MOV10L1: variants seen among roughly 807,000 people sequenced by gnomAD.
MOV10L1 encodes Mov10 like RNA helicase 1.
Under a neutral mutation model 143.8 loss-of-function variants are expected in MOV10L1, and 110 were observed. The observed-to-expected ratio is 0.76, with a 90% CI of 0.66 to 0.90. MOV10L1 has a LOEUF of 0.90. Ranked by LOEUF, MOV10L1 falls within the 40% of genes least tolerant of loss-of-function variation. The pLI is 0.00. For missense variants in MOV10L1, 1,406 were observed against 1,526.8 expected, an observed-to-expected ratio of 0.92 and a Z score of 1.32; for synonymous variants, 593 against 581.1, an observed-to-expected ratio of 1.02 and a Z score of -0.29.
Position 50,158,162 on chromosome 22 carries a change from G to A in MOV10L1, c.3172G>A (p.Val1058Met). The A allele has an allele frequency of 6.2e-7, 1 of 1,614,176 alleles. No individual in the cohort carries two copies. The highest frequency in any genetic ancestry group is 1.3e-5 in the African/African-American group (1 of 75,052). Reference protein sequence around the residue: ...CLLAHSISSQVSASDIGVITP... With the variant: ...CLLAHSISSQMSASDIGVITP... The stretch of plus-strand genomic sequence containing the variant: ...CCTGGCCCACAGCATCTCCAGTCAG[G>A]TGTCTGCCAGCGACATTGGCGTCAT... The change falls in exon 23 of 27, where the codon GTG becomes ATG. Residue 1058 changes from valine (V) to methionine (M), a missense_variant. Coordinates refer to ENST00000262794, the MANE Select transcript of MOV10L1 (RefSeq NM_018995.3). The surrounding 1 kb of genome is among the most constrained non-coding windows in gnomAD (Gnocchi z 5.0).
intron 22 of MOV10L1, among the ~76,000 whole-genome samples, chr22:50,154,039 G>C (rs2063363250): frequency 6.6e-6 from 1 of 152,226 alleles, no homozygotes; most frequent in Non-Finnish European, 1.5e-5. Context: ...AAGTTCCTGA[G>C]GGAGAAAATC....
intron 13 of MOV10L1, among the ~76,000 whole-genome samples, chr22:50,129,116 C>A (rs1401544494): frequency 2.0e-5 from 3 of 152,098 alleles, no homozygotes; most frequent in Admixed American, 2.0e-4. Flanking sequence ...TTTGCATACC[C>A]CGTGTTTCTA....
At chr22:50,130,087 C>T (rs1017622399) in intron 13 of MOV10L1, among the ~76,000 whole-genome samples, 2 of 152,028 alleles carry the variant, frequency 1.3e-5, no homozygotes, top group African/African-American at 4.8e-5. Context: ...ACCAGCCTGG[C>T]CAACATGGGG....
intron 19 of MOV10L1, among the ~76,000 whole-genome samples, chr22:50,147,978 G>A (rs772014870): frequency 1.3e-5 from 2 of 152,246 alleles, no homozygotes; most frequent in African/African-American, 2.4e-5. Flanking sequence ...CAGCACTGCT[G>A]TAAGCAGGAG....
At chr22:50,151,040 C>T (rs2063287288) in intron 21 of MOV10L1, 141 bp downstream of exon 21, 1 of 1,023,442 alleles carries the variant, frequency 9.8e-7, no homozygotes, top group African/African-American at 1.6e-5. Flanking sequence ...CATAGCACCT[C>T]CCCCGTCAGC....
intron 5 of MOV10L1, among the ~76,000 whole-genome samples, chr22:50,111,455 C>T: frequency 7.2e-6 from 1 of 138,866 alleles, no homozygotes; most frequent in Non-Finnish European, 1.5e-5. Flanking sequence ...TTCCTTTTGG[C>T]ATGGTGAGTG....
intron 26 of MOV10L1, 72 bp downstream of exon 26, chr22:50,161,127 C>T: frequency 6.9e-7 from 1 of 1,447,102 alleles, no homozygotes; most frequent in African/African-American, 1.4e-5. Context: ...CTCCCCTGCT[C>T]CCCTCACCCC....
At position 50,101,531 on chromosome 22, in the gene MOV10L1, T is replaced by C. The variant is rs182715038; in HGVS notation, c.442+1929T>C. 1.2e-4 allele frequency among the ~76,000 whole-genome samples: 18 copies of C among 151,406 alleles called. No individual in the cohort carries two copies. The East Asian group carries it at 3.5e-3, about 29-fold the overall frequency. On this transcript the variant is annotated intron_variant, in intron 3 of 26. Coordinates refer to ENST00000262794, the MANE Select transcript of MOV10L1 (RefSeq NM_018995.3). ...TTTGTGGGTTTTGTTTTTTTTTTCT[T>C]TGTTTGAGACAGAGTTTCGCTCTTG...
At chr22:50,155,819 G>A (rs916616633) in intron 22 of MOV10L1, among the ~76,000 whole-genome samples, 1 of 152,212 alleles carries the variant, frequency 6.6e-6, no homozygotes, top group African/African-American at 2.4e-5. Context: ...GGGAGGCCAA[G>A]GCAGGCAGAT....
chr22:50,108,694 T>G lies in MOV10L1; in HGVS notation c.593T>G (p.Leu198Ter). Reference sequence around the variant, plus strand: ...AGCCTCTGTGGAAGGAACGGGGTGTTAGAGGAAAGCATCTTCTTTACCTTG... The same window carrying G: ...AGCCTCTGTGGAAGGAACGGGGTGTGAGAGGAAAGCATCTTCTTTACCTTG... ...ISSLCGRNGV[L>*]EESIFFTLDS... is the part of the protein sequence containing the mutation. The change falls in exon 5 of 27, where the codon TTA (leucine) becomes TGA (stop). Residue 198 changes from leucine (L) to a stop codon, truncating the protein, a stop_gained. Coordinates refer to ENST00000262794, the MANE Select transcript of MOV10L1 (RefSeq NM_018995.3). LOFTEE classifies it high-confidence loss of function. 1 of 1,614,146 alleles carries G rather than the reference T, an allele frequency of 6.2e-7. No individual in the cohort carries two copies. Among genetic ancestry groups the G allele is most frequent in the Non-Finnish European group, 8.5e-7 (1 of 1,180,010 alleles).
At chr22:50,116,611 C>T (rs1280237393) in intron 8 of MOV10L1, among the ~76,000 whole-genome samples, 1 of 150,518 alleles carries the variant, frequency 6.6e-6, no homozygotes. Context: ...AAATTTTTTC[C>T]TACTCTTATA....
intron 2 of MOV10L1, among the ~76,000 whole-genome samples, chr22:50,097,176 A>G (rs1373234631): frequency 6.6e-6 from 1 of 152,112 alleles, no homozygotes; most frequent in Non-Finnish European, 1.5e-5. Flanking sequence ...GCAGCAGCAC[A>G]GTCACAGCTC....
At chr22:50,125,912 C>T (rs552699986) in intron 11 of MOV10L1, among the ~76,000 whole-genome samples, 16 of 151,676 alleles carry the variant, frequency 1.1e-4, no homozygotes, top group African/African-American at 2.7e-4. Context: ...CTTAGCCTCC[C>T]GAGTAGCTGG....
At chr22:50,097,181 C>G (rs2062611190) in intron 2 of MOV10L1, among the ~76,000 whole-genome samples, 1 of 152,054 alleles carries the variant, frequency 6.6e-6, no homozygotes. Context: ...AGCACAGTCA[C>G]AGCTCACTGC....
At chr22:50,139,931 C>T (rs571207293) in intron 15 of MOV10L1, among the ~76,000 whole-genome samples, 1 of 152,268 alleles carries the variant, frequency 6.6e-6, no homozygotes, top group East Asian at 1.9e-4. Context: ...CACCACTGTG[C>T]AAAAGGTGTT....
chr22:50,109,290 C>T (rs549500278), intron 5 of MOV10L1, among the ~76,000 whole-genome samples: 3 of 152,046 alleles, frequency 2.0e-5, no homozygotes, highest in African/African-American at 4.8e-5. Context: ...TTCAGGAGGC[C>T]GTGGCAGGAG....
chr22:50,146,204 G>GT (rs761892082), intron 19 of MOV10L1, among the ~76,000 whole-genome samples: 5 of 152,168 alleles, frequency 3.3e-5, no homozygotes, highest in Non-Finnish European at 7.3e-5. Flanking sequence ...CGGGAAGCCA[G>GT]TGAAGGGCTT....
chr22:50,125,175 C>T (rs2062462476), intron 10 of MOV10L1, among the ~76,000 whole-genome samples: 1 of 152,214 alleles, frequency 6.6e-6, no homozygotes, highest in Non-Finnish European at 1.5e-5. Flanking sequence ...AGCCCCACTG[C>T]CTCATGCCAA....
intron 22 of MOV10L1, among the ~76,000 whole-genome samples, chr22:50,153,588 C>T (rs1005815553): frequency 3.3e-5 from 5 of 152,334 alleles, no homozygotes; most frequent in East Asian, 1.9e-4. Context: ...CCACCACCGC[C>T]TCCCTCCCGG....
Sources: gnomAD v4.1 joint callset for allele counts (sites outside exome capture counted in the v4.1 genomes callset) on GRCh38, gnomAD v4.1.1 for gene constraint, Gnocchi (gnomAD v3.1) non-coding constraint, MANE v1.5 for transcripts, NCBI Gene and HGNC (gene_info 2026-07-23, HGNC 2026-07-21) for gene names.